The following RERE variants were observed in gnomAD, a reference collection of about 807,000 sequenced individuals.
RERE encodes the protein arginine-glutamic acid dipeptide repeats protein.
RERE carries 40 observed loss-of-function variants against 146.1 expected under a neutral mutation model. That is an observed-to-expected ratio of 0.27 (90% CI 0.21 to 0.36). RERE has a LOEUF of 0.36. Ranked by LOEUF, RERE falls within the 10% of genes least tolerant of loss-of-function variation. RERE has a pLI of 1.00. For missense variants in RERE, 1,933 were observed against 2,138.7 expected (o/e 0.90, Z 1.90); for synonymous variants, 1,003 against 866.0 (o/e 1.16, Z -2.78).
At chr1:8,610,348 T>C (rs1004849774) in intron 4 of RERE, among the ~76,000 whole-genome samples, 2 of 151,944 alleles carry the variant, frequency 1.3e-5, no homozygotes, top group African/African-American at 4.8e-5. Context: ...CCCAGCACTT[T>C]GGGAGGCCGA....
chr1:8,373,857 A>G (rs949914628), intron 12 of RERE, among the ~76,000 whole-genome samples: 7 of 152,188 alleles, frequency 4.6e-5, no homozygotes, highest in Non-Finnish European at 1.0e-4. Flanking sequence ...GCCACCTTCT[A>G]CAGATCTTTT....
intron 1 of RERE, among the ~76,000 whole-genome samples, chr1:8,722,875 A>G (rs1639890422): frequency 6.6e-6 from 1 of 152,214 alleles, no homozygotes; most frequent in Non-Finnish European, 1.5e-5. Context: ...CCTGGAACCA[A>G]TCCCCCACGA....
chr1:8,355,661 G>T, intron 21 of RERE, 62 bp from the exon 22 acceptor site: 1 of 1,402,980 alleles, frequency 7.1e-7, no homozygotes, highest in South Asian at 1.4e-5. Flanking sequence ...AGACCAGGGC[G>T]GCACAGGCAC....
At chr1:8,601,626 C>CCCCACA (rs1553119505) in intron 4 of RERE, among the ~76,000 whole-genome samples, 2 of 94,914 alleles carry the variant, frequency 2.1e-5, no homozygotes, top group East Asian at 3.2e-4. Flanking sequence ...TCCAAGGTCA[C>CCCCACA]CACACACACA....
At chr1:8,537,999 CT>C (rs1421104856) in intron 7 of RERE, among the ~76,000 whole-genome samples, 1 of 152,184 alleles carries the variant, frequency 6.6e-6, no homozygotes, top group Non-Finnish European at 1.5e-5. Flanking sequence ...CGTATAACTA[CT>C]TTTGGAAAAT....
At chr1:8,697,401 T>C (rs1328109554) in intron 1 of RERE, among the ~76,000 whole-genome samples, 3 of 124,344 alleles carry the variant, frequency 2.4e-5, no homozygotes, top group African/African-American at 9.1e-5. Flanking sequence ...CACAACTTTT[T>C]TTTTTTTTTG....
intron 1 of RERE, among the ~76,000 whole-genome samples, chr1:8,808,213 A>C (rs2124602480): frequency 6.6e-6 from 1 of 151,762 alleles, no homozygotes; most frequent in East Asian, 1.9e-4. Flanking sequence ...ATCATTTATT[A>C]ACACCCCAAA....
chr1:8,535,610 C>T (rs1279784442), intron 7 of RERE, among the ~76,000 whole-genome samples: 1 of 152,204 alleles, frequency 6.6e-6, no homozygotes, highest in Non-Finnish European at 1.5e-5. Flanking sequence ...TAACTCTTAA[C>T]TCTTGCTATT....
chr1:8,690,395 G>C (rs1283791035), intron 1 of RERE, among the ~76,000 whole-genome samples: 1 of 152,118 alleles, frequency 6.6e-6, no homozygotes, highest in Non-Finnish European at 1.5e-5. Flanking sequence ...ATAGCACTTG[G>C]GGAACGGAAA....
chr1:8,464,156 G>C (rs1294644793), intron 11 of RERE, among the ~76,000 whole-genome samples: 1 of 152,072 alleles, frequency 6.6e-6, no homozygotes, highest in African/African-American at 2.4e-5. Context: ...TTATGGTTTT[G>C]TTTGTTTTAA....
chr1:8,536,830 T>C (rs1046222462), intron 7 of RERE, among the ~76,000 whole-genome samples: 1 of 152,204 alleles, frequency 6.6e-6, no homozygotes, highest in Non-Finnish European at 1.5e-5. Context: ...GATTTAAGGC[T>C]CTCTCATTTT....
intron 1 of RERE, among the ~76,000 whole-genome samples, chr1:8,776,519 A>C (rs1323532379): frequency 6.6e-6 from 1 of 152,198 alleles, no homozygotes; most frequent in Non-Finnish European, 1.5e-5. Context: ...GCTGGTCTTG[A>C]ACTCCTGGCT....
intron 12 of RERE, among the ~76,000 whole-genome samples, chr1:8,419,821 A>C (rs907072154): frequency 4.6e-5 from 7 of 152,246 alleles, no homozygotes; most frequent in African/African-American, 9.6e-5. Context: ...AGAAGGCAAG[A>C]ATCATCACTT....
At chr1:8,585,590 G>A (rs1393860441) in intron 4 of RERE, among the ~76,000 whole-genome samples, 4 of 152,178 alleles carry the variant, frequency 2.6e-5, no homozygotes, top group Non-Finnish European at 4.4e-5. Flanking sequence ...AACTATCAAA[G>A]ATTCCCAGGA....
At chr1:8,433,229 C>T (rs112801018) in intron 11 of RERE, among the ~76,000 whole-genome samples, 1 of 152,208 alleles carries the variant, frequency 6.6e-6, no homozygotes, top group African/African-American at 2.4e-5. Context: ...GCCTCAATTT[C>T]TATGTCCCTG....
intron 4 of RERE, among the ~76,000 whole-genome samples, chr1:8,584,918 C>T (rs539455613): frequency 3.3e-5 from 5 of 152,126 alleles, no homozygotes; most frequent in East Asian, 3.9e-4. Context: ...GAGGCCAAGG[C>T]GGGTGGATCA....
chr1:8,803,604 C>A (rs531973009), intron 1 of RERE, among the ~76,000 whole-genome samples: 2 of 152,246 alleles, frequency 1.3e-5, no homozygotes, highest in South Asian at 4.1e-4. Flanking sequence ...TTTTTTGAGA[C>A]AGAGTCTCAC....
intron 1 of RERE, among the ~76,000 whole-genome samples, chr1:8,709,198 G>T (rs895465365): frequency 1.3e-5 from 2 of 151,918 alleles, no homozygotes; most frequent in Non-Finnish European, 2.9e-5. Flanking sequence ...GGGATTACAG[G>T]CGTGAGCCAC....
intron 4 of RERE, among the ~76,000 whole-genome samples, chr1:8,577,785 T>A (rs978552199): frequency 3.5e-4 from 54 of 152,308 alleles, no homozygotes; most frequent in African/African-American, 1.3e-3. Context: ...CCGCTGAGGC[T>A]GGACATGCAC....
Sources: gnomAD v4.1 joint callset for allele counts (sites outside exome capture counted in the v4.1 genomes callset) on GRCh38, gnomAD v4.1.1 for gene constraint, MANE v1.5 for transcripts, NCBI Gene and HGNC (gene_info 2026-07-23, HGNC 2026-07-21) for gene names.